The following YME1L1 variants were observed in gnomAD, a reference collection of about 807,000 sequenced individuals.
YME1L1 encodes ATP-dependent zinc metalloprotease YME1L1.
Under a neutral mutation model 90.4 loss-of-function variants are expected in YME1L1, and 39 were observed. The observed-to-expected ratio is 0.43, with a 90% CI of 0.33 to 0.56. The LOEUF is 0.56. Ranked by LOEUF, YME1L1 falls within the 20% of genes least tolerant of loss-of-function variation. The pLI is 0.03. For missense variants in YME1L1, 617 were observed against 868.4 expected (o/e 0.71, Z 3.64); for synonymous variants, 284 against 287.3 (o/e 0.99, Z 0.12).
chr10:27,120,686 T>C (rs2056858474), intron 12 of YME1L1, 139 bp from the exon 13 acceptor site: 6 of 597,356 alleles, frequency 1.0e-5, no homozygotes, highest in Non-Finnish European at 1.4e-5. Flanking sequence ...AATATTCAGA[T>C]AGTTCCTTTA....
intron 4 of YME1L1, among the ~76,000 whole-genome samples, chr10:27,139,801 C>A (rs555506090): frequency 1.3e-5 from 2 of 152,162 alleles, no homozygotes; most frequent in Non-Finnish European, 2.9e-5. Flanking sequence ...ATATCCATGG[C>A]AATTCCCACT....
At chr10:27,144,689 CTAAAAT>C (rs1332957982) in intron 3 of YME1L1, among the ~76,000 whole-genome samples, 1 of 151,976 alleles carries the variant, frequency 6.6e-6, no homozygotes, top group African/African-American at 2.4e-5. Flanking sequence ...TGTGTGTCAC[CTAAAAT>C]TAAAACAAAC....
rs886360405 is a variant in YME1L1 at position 27,151,453 on chromosome 10, A to G, written c.34-2413T>C. 1.1e-4 allele frequency among the ~76,000 whole-genome samples: 16 copies of G among 152,246 alleles called. 1 individual carries two copies. Among genetic ancestry groups the G allele is most frequent in the Admixed American group, 9.2e-4 (14 of 15,286 alleles). On this transcript the variant is annotated intron_variant, in intron 1 of 18. Coordinates refer to ENST00000376016, the MANE Select transcript of YME1L1 (RefSeq NM_014263.4). ...GGACTAACGCCATTATTGTGGGTAC[A>G]GACCATTTAATAGATGAAGACAACA...
intron 9 of YME1L1, among the ~76,000 whole-genome samples, chr10:27,125,830 G>A (rs772347466): frequency 6.6e-6 from 1 of 151,772 alleles, no homozygotes; most frequent in Non-Finnish European, 1.5e-5. Flanking sequence ...GTAGAGACAG[G>A]GTTTCACCAT....
chr10:27,120,212 A>G (rs1452602924), intron 13 of YME1L1, among the ~76,000 whole-genome samples: 1 of 152,144 alleles, frequency 6.6e-6, no homozygotes, highest in African/African-American at 2.4e-5. Flanking sequence ...ATCTGTCTGA[A>G]TACTCTAAAA....
Position 27,111,434 on chromosome 10 carries a change from T to C in YME1L1, c.*543A>G, listed in dbSNP as rs1564452894. On this transcript the variant is annotated 3_prime_UTR_variant, in exon 19 of 19. Coordinates refer to ENST00000376016, the MANE Select transcript of YME1L1 (RefSeq NM_014263.4). ...GTCTCGAACTCCTGGCCTCAAGCAA[T>C]CCACCCGCCTCAGCCTCCAAAAGTG... 6.1e-6 allele frequency: 1 copy of C among 164,202 alleles called. No individual in the cohort carries two copies. The highest frequency in any genetic ancestry group is 1.3e-5 in the Non-Finnish European group (1 of 76,050). 10.2% of individuals were successfully genotyped at this position (164,202 alleles called of 1,614,324 possible). A position where few individuals can be genotyped will look rare whatever the true frequency, so the allele number is the denominator to read the frequency against.
chr10:27,136,392 A>C lies in YME1L1; in HGVS notation c.431-7T>G. On this transcript the variant is annotated splice_polypyrimidine_tract_variant and splice_region_variant and intron_variant, in intron 4 of 18. Transcript: ENST00000376016. Reference sequence around the variant, plus strand: ...CCCCGAGACTGTATGAAAACTAAATAAAACAATACCATTCACTGTCACTAT... The same window carrying C: ...CCCCGAGACTGTATGAAAACTAAATCAAACAATACCATTCACTGTCACTAT... 6.2e-7 allele frequency: 1 copy of C among 1,600,022 alleles called. No homozygotes were observed. Among genetic ancestry groups the C allele is most frequent in the Non-Finnish European group, 8.5e-7 (1 of 1,169,592 alleles).
At chr10:27,144,998 G>A (rs1423267767) in intron 3 of YME1L1, among the ~76,000 whole-genome samples, 1 of 151,978 alleles carries the variant, frequency 6.6e-6, no homozygotes, top group East Asian at 1.9e-4. Flanking sequence ...AAAATTAGCC[G>A]GGCGTGGTGG....
In YME1L1 at chr10:27,126,099, A is replaced by T. The variant is rs1041896779; in HGVS notation, c.949+597T>A. On this transcript the variant is annotated intron_variant, in intron 9 of 18. Transcript: ENST00000376016. ...ATAGTTAAAAATTTATTTATTTACAAATAATTTTTATATTTATATATACAT... is the reference window on the plus strand; with the variant it reads ...ATAGTTAAAAATTTATTTATTTACATATAATTTTTATATTTATATATACAT... 2.0e-5 allele frequency among the ~76,000 whole-genome samples: 3 copies of T among 152,116 alleles called. No homozygotes were observed. The South Asian group carries it at 6.2e-4, about 31-fold the overall frequency.
In YME1L1 at chr10:27,125,384, T is replaced by C. The variant is rs1487944000; in HGVS notation, c.949+1312A>G. On this transcript the variant is annotated intron_variant, in intron 9 of 18. Transcript: ENST00000376016. ...TAATTAGGCAAGTACTCTTTGCAAC[T>C]GTAAAAATCATGAAAGATCCTCTTC... Among the ~76,000 whole-genome samples the C allele has an allele frequency of 5.5e-5, 8 of 145,724 alleles. 1 individual carries two copies. The Admixed American group carries it at 5.7e-4, about 10-fold the overall frequency.
At chr10:27,136,450 T>G in intron 4 of YME1L1, 65 bp from the exon 5 acceptor site, 1 of 1,345,650 alleles carries the variant, frequency 7.4e-7, no homozygotes, top group Non-Finnish European at 1.0e-6. Context: ...ATGCCTAAGA[T>G]TCTAAAGTCT....
At chr10:27,137,045 CAAGT>C (rs2057036603) in intron 4 of YME1L1, among the ~76,000 whole-genome samples, 1 of 147,478 alleles carries the variant, frequency 6.8e-6, no homozygotes, top group African/African-American at 2.5e-5. Context: ...AAAACCCAAC[CAAGT>C]AATTAAAATA....
chr10:27,153,497 GAAGC>G (rs1420215719), intron 1 of YME1L1, among the ~76,000 whole-genome samples: 2 of 152,194 alleles, frequency 1.3e-5, no homozygotes, highest in African/African-American at 4.8e-5. Flanking sequence ...AGACTGGAAT[GAAGC>G]AAGAATAAAA....
chr10:27,113,862 T>C (rs910015813), intron 18 of YME1L1, among the ~76,000 whole-genome samples: 1 of 145,292 alleles, frequency 6.9e-6, no homozygotes, highest in African/African-American at 2.5e-5. Context: ...AAACCAACAA[T>C]AAAACACCTA....
intron 1 of YME1L1, among the ~76,000 whole-genome samples, chr10:27,150,663 A>C (rs186212367): frequency 6.6e-5 from 10 of 152,342 alleles, no homozygotes; most frequent in Non-Finnish European, 1.5e-4. Context: ...CTCCCACCAG[A>C]CCATGACAGT....
At chr10:27,121,583 A>G in intron 11 of YME1L1, 135 bp from the exon 12 acceptor site, 1 of 630,316 alleles carries the variant, frequency 1.6e-6, no homozygotes, top group Non-Finnish European at 2.9e-6. Context: ...GAAGCGCACC[A>G]GTATGATCAT....
intron 1 of YME1L1, among the ~76,000 whole-genome samples, chr10:27,151,750 G>C (rs187432757): frequency 2.0e-5 from 3 of 152,106 alleles, no homozygotes; most frequent in African/African-American, 7.2e-5. Flanking sequence ...GCGTGGTGGC[G>C]GGCGCCTGTG....
At chr10:27,147,346 G>A in intron 2 of YME1L1, 1 of 1,416,974 alleles carries the variant, frequency 7.1e-7, no homozygotes, top group South Asian at 1.2e-5. Context: ...ATTTAAAAAT[G>A]ATAAAACAAA....
intron 3 of YME1L1, among the ~76,000 whole-genome samples, chr10:27,144,848 G>A (rs1051041258): frequency 4.6e-5 from 7 of 152,080 alleles, no homozygotes; most frequent in Non-Finnish European, 1.0e-4. Context: ...TTAAAAATAA[G>A]GTACCAATGT....
Sources: allele counts gnomAD v4.1 joint callset (sites outside exome capture counted in the v4.1 genomes callset), GRCh38; gene constraint gnomAD v4.1.1; transcripts MANE v1.5; gene names NCBI Gene and HGNC (gene_info 2026-07-23, HGNC 2026-07-21).